The following PRKN variants were observed in gnomAD, a reference collection of about 807,000 sequenced individuals.
The protein encoded by PRKN is parkin RBR E3 ubiquitin protein ligase, also known as E3 ubiquitin-protein ligase parkin.
In PRKN, 56 loss-of-function variants were observed where a neutral mutation model predicts 59.5. That is an observed-to-expected ratio of 0.94 (90% confidence interval 0.76 to 1.18). The LOEUF is 1.18. Ranked by LOEUF, PRKN falls within the 50% of genes most tolerant of loss-of-function variation. The pLI is 0.00. For missense variants in PRKN, 657 were observed against 596.4 expected (o/e 1.10, Z -1.06); for synonymous variants, 250 against 222.1 (o/e 1.13, Z -1.12).
intron 7 of PRKN, among the ~76,000 whole-genome samples, chr6:161,574,348 C>CACAGTACT (rs1209465040): frequency 6.6e-6 from 1 of 152,116 alleles, no homozygotes; most frequent in Non-Finnish European, 1.5e-5. Context: ...GAATAAAAAC[C>CACAGTACT]ACAGTACTAC....
At chr6:162,034,186 T>TATAGAGAGAGAGAGAGAGAGAGAGAGAG (rs1349695864) in intron 5 of PRKN, among the ~76,000 whole-genome samples, 1 of 133,286 alleles carries the variant, frequency 7.5e-6, no homozygotes, top group Non-Finnish European at 1.6e-5. Context: ...TATATATATA[T>TATAGAGAGAGAGAGAGAGAGAGAGAGAG]AGAGAGAGAG....
intron 7 of PRKN, among the ~76,000 whole-genome samples, chr6:161,688,305 A>C (rs1785643878): frequency 6.6e-6 from 1 of 152,192 alleles, no homozygotes; most frequent in South Asian, 2.1e-4. Context: ...AAGAAGTGGC[A>C]GCATAGTGAC....
At chr6:162,072,904 C>A (rs1778640719) in intron 4 of PRKN, among the ~76,000 whole-genome samples, 1 of 152,166 alleles carries the variant, frequency 6.6e-6, no homozygotes, top group Non-Finnish European at 1.5e-5. Context: ...GTGGGTACTG[C>A]TGAATAACCA....
At chr6:162,042,701 A>C (rs1254960889) in intron 5 of PRKN, among the ~76,000 whole-genome samples, 2 of 152,192 alleles carry the variant, frequency 1.3e-5, no homozygotes, top group Admixed American at 1.3e-4. Context: ...CTCACTATTA[A>C]ATACCAAATT....
intron 1 of PRKN, among the ~76,000 whole-genome samples, chr6:162,626,949 G>C (rs920644975): frequency 1.3e-5 from 2 of 151,986 alleles, no homozygotes; most frequent in Non-Finnish European, 2.9e-5. Context: ...TTCAAATTTT[G>C]AACAAGCTGA....
intron 5 of PRKN, among the ~76,000 whole-genome samples, chr6:162,005,722 G>A (rs1278973247): frequency 6.6e-6 from 1 of 152,112 alleles, no homozygotes; most frequent in African/African-American, 2.4e-5. Flanking sequence ...CTTTAAAGTA[G>A]TTGAGATACA....
At position 161,498,810 on chromosome 6, in the gene PRKN, T is replaced by A. The variant is rs1186882362; in HGVS notation, c.1083+50044A>T. Among the ~76,000 whole-genome samples, 1 of 152,204 alleles carries A rather than the reference T, an allele frequency of 6.6e-6. No homozygotes were observed. The highest frequency in any genetic ancestry group is 1.5e-5 in the Non-Finnish European group (1 of 68,042). On this transcript the variant is annotated intron_variant, in intron 9 of 11. Transcript: ENST00000366898. The surrounding 1 kb of genome is among the most constrained non-coding windows in gnomAD (Gnocchi z 4.2). Reference sequence around the variant, plus strand: ...ACTTTAGTCTGTGCTGACTAATACATCCAGGATATTCTTTGGGAATTCTAG... The same window carrying A: ...ACTTTAGTCTGTGCTGACTAATACAACCAGGATATTCTTTGGGAATTCTAG...
chr6:161,835,311 G>A (rs769273240), intron 6 of PRKN, among the ~76,000 whole-genome samples: 1 of 152,086 alleles, frequency 6.6e-6, no homozygotes, highest in Non-Finnish European at 1.5e-5. Context: ...GAGAAGGAAG[G>A]GGGGCTTCCT....
chr6:162,310,830 C>CA (rs1264471820), intron 2 of PRKN, among the ~76,000 whole-genome samples: 6 of 151,840 alleles, frequency 4.0e-5, no homozygotes, highest in Admixed American at 3.9e-4. Flanking sequence ...TTTTTAAAAA[C>CA]TAGTGAATTC....
At chr6:161,800,472 T>C (rs1028815684) in intron 6 of PRKN, among the ~76,000 whole-genome samples, 1 of 152,234 alleles carries the variant, frequency 6.6e-6, no homozygotes, top group African/African-American at 2.4e-5. Flanking sequence ...GATTAAATGA[T>C]AATGAGCCTG....
At position 161,552,618 on chromosome 6, in the gene PRKN, T is replaced by G. The variant is rs888301755; in HGVS notation, c.934-3615A>C. The stretch of plus-strand genomic sequence containing the variant: ...AAAACAAAAAACAAAAAACTTTTTA[T>G]TGTAAATATCACATAGAATAAGCTT... On this transcript the variant is annotated intron_variant, in intron 8 of 11. Coordinates refer to ENST00000366898, the MANE Select transcript of PRKN (RefSeq NM_004562.3). The surrounding 1 kb of genome is among the most constrained non-coding windows in gnomAD (Gnocchi z 4.9). 1.1e-4 allele frequency among the ~76,000 whole-genome samples: 16 copies of G among 152,008 alleles called. 1 individual carries two copies. Among genetic ancestry groups the G allele is most frequent in the Non-Finnish European group, 2.9e-5 (2 of 67,998 alleles).
intron 9 of PRKN, among the ~76,000 whole-genome samples, chr6:161,494,222 A>C (rs1441959686): frequency 6.6e-6 from 1 of 152,218 alleles, no homozygotes; most frequent in Non-Finnish European, 1.5e-5. Context: ...TACTCAGTGC[A>C]ATGAAAATAC....
intron 6 of PRKN, among the ~76,000 whole-genome samples, chr6:161,898,260 T>C (rs540750799): frequency 1.3e-5 from 2 of 151,492 alleles, no homozygotes; most frequent in Non-Finnish European, 2.9e-5. Context: ...AGTGAACCCT[T>C]TGAATTACGG....
At chr6:161,602,045 T>C (rs1483623762) in intron 7 of PRKN, among the ~76,000 whole-genome samples, 2 of 152,218 alleles carry the variant, frequency 1.3e-5, no homozygotes, top group Non-Finnish European at 2.9e-5. Flanking sequence ...CATCTTTCAG[T>C]GGTTGACTAA....
rs557088739 is a variant in PRKN at position 161,377,042 on chromosome 6, C to A, written c.1167+9752G>T. Among the ~76,000 whole-genome samples, 1 of 152,254 alleles carries A rather than the reference C, an allele frequency of 6.6e-6. No individual in the cohort carries two copies. Among genetic ancestry groups the A allele is most frequent in the Non-Finnish European group, 1.5e-5 (1 of 68,048 alleles). On this transcript the variant is annotated intron_variant, in intron 10 of 11. Coordinates refer to ENST00000366898, the MANE Select transcript of PRKN (RefSeq NM_004562.3). This position sits in a 1 kb window ranked among gnomAD's most constrained non-coding sequence, Gnocchi z 4.2. Reference sequence around the variant, plus strand: ...AGGGCAGGGTCAGGCGGCATGCAAGCGCCCTGTCTCTGCGGCTGTGCACGC... The same window carrying A: ...AGGGCAGGGTCAGGCGGCATGCAAGAGCCCTGTCTCTGCGGCTGTGCACGC...
At chr6:161,824,566 C>G (rs998052375) in intron 6 of PRKN, among the ~76,000 whole-genome samples, 1 of 152,082 alleles carries the variant, frequency 6.6e-6, no homozygotes, top group African/African-American at 2.4e-5. Context: ...CTTACTGTAT[C>G]GGAAACATCT....
intron 1 of PRKN, among the ~76,000 whole-genome samples, chr6:162,491,195 A>G (rs1792795674): frequency 1.3e-5 from 2 of 150,492 alleles, no homozygotes; most frequent in Admixed American, 6.6e-5. Context: ...ATTTGAACCC[A>G]GGAGATGGAG....
rs1349592726 is a variant in PRKN, at chr6:161,881,006, T to A, written c.734+92296A>T. On this transcript the variant is annotated intron_variant, in intron 6 of 11. Coordinates refer to ENST00000366898, the MANE Select transcript of PRKN (RefSeq NM_004562.3). ...GCTTTTTTCAGTTTCTAAGCTTTCATAGTTAAAGACATATTTTCATGTAAA... is the reference window on the plus strand; with the variant it reads ...GCTTTTTTCAGTTTCTAAGCTTTCAAAGTTAAAGACATATTTTCATGTAAA... Among the ~76,000 whole-genome samples, 3 of 152,218 alleles carry A rather than the reference T, an allele frequency of 2.0e-5. No individual in the cohort carries two copies. In the East Asian group the frequency reaches 5.8e-4, roughly 29 times the overall value.
chr6:162,677,591 C>G (rs1005909755), intron 1 of PRKN, among the ~76,000 whole-genome samples: 1 of 151,632 alleles, frequency 6.6e-6, no homozygotes, highest in Non-Finnish European at 1.5e-5. Context: ...CTCAATTATA[C>G]TGGCCTGGAA....
Sources: allele counts gnomAD v4.1 joint callset (sites outside exome capture counted in the v4.1 genomes callset), GRCh38; gene constraint gnomAD v4.1.1; non-coding constraint Gnocchi (gnomAD v3.1); transcripts MANE v1.5; gene names NCBI Gene and HGNC (gene_info 2026-07-23, HGNC 2026-07-21).